Variants in GDNF observed in about 807,000 individuals in gnomAD.
The protein encoded by GDNF is glial cell derived neurotrophic factor, also known as glial cell line-derived neurotrophic factor.
GDNF carries 5 observed loss-of-function variants against 13.7 expected under a neutral mutation model. The ratio of observed to expected loss-of-function variants is 0.36; its 90% CI spans 0.19 to 0.77. GDNF has a LOEUF of 0.77. Ranked by LOEUF, GDNF falls within the 30% of genes least tolerant of loss-of-function variation. The probability of loss-of-function intolerance (pLI) is 0.51; values close to 1 mark genes in which losing one functional copy is unlikely to be tolerated. For missense variants in GDNF, 246 were observed against 274.3 expected (o/e 0.90, Z 0.73); for synonymous variants, 122 against 112.5 (o/e 1.08, Z -0.53).
chr5:37,835,977 G>A (rs1750688702), intron 1 of GDNF: 2 of 441,208 alleles, frequency 4.5e-6, no homozygotes, highest in Non-Finnish European at 4.1e-6. Context: ...TTAGAAAAAG[G>A]GGCTGTAAAT....
intron 1 of GDNF, chr5:37,835,589 C>G: frequency 2.0e-6 from 3 of 1,518,860 alleles, no homozygotes; most frequent in South Asian, 2.4e-5. Context: ...TCACGCATGA[C>G]AAGCTCTAGC....
intron 2 of GDNF, 71 bp from the exon 3 acceptor site, chr5:37,816,206 G>A: frequency 6.5e-7 from 1 of 1,542,262 alleles, no homozygotes; most frequent in Non-Finnish European, 8.9e-7. Flanking sequence ...CAAGATCAAA[G>A]TGCCCCCCTA....
At chr5:37,836,095 G>A (rs535660830) in intron 1 of GDNF, among the ~76,000 whole-genome samples, 12 of 152,272 alleles carry the variant, frequency 7.9e-5, no homozygotes, top group Middle Eastern at 3.4e-3. Flanking sequence ...CAGGGCACTA[G>A]TGACCTAGAG....
chr5:37,834,753 T>G lies in GDNF; in HGVS notation c.44A>C (p.His15Pro), dbSNP rs1033076311. 3 of 1,612,368 alleles carry G rather than the reference T, an allele frequency of 1.9e-6. No homozygotes were observed. Among genetic ancestry groups the G allele is most frequent in the Non-Finnish European group, 2.5e-6 (3 of 1,179,504 alleles). Reference sequence around the variant, plus strand: ...GGGCAGCGGGAAGGCGGACGCGGTGTGGAGCAGCACCAGGCAGACAGCCAC... The same window carrying G: ...GGGCAGCGGGAAGGCGGACGCGGTGGGGAGCAGCACCAGGCAGACAGCCAC... Reference protein sequence around the residue: ...DVVAVCLVLLHTASAFPLPAG... With the variant: ...DVVAVCLVLLPTASAFPLPAG... Residue 15 changes from histidine (H) to proline (P), a missense_variant, in exon 2 of 3, where the codon CAC becomes CCC. Physicochemically the swap from His to Pro is moderately conservative, Grantham distance 77 (BLOSUM62 -2). Transcript: ENST00000326524.
At chr5:37,833,020 G>A (rs902277396) in intron 2 of GDNF, among the ~76,000 whole-genome samples, 6 of 152,230 alleles carry the variant, frequency 3.9e-5, no homozygotes, top group Non-Finnish European at 1.5e-5. Context: ...GAGCTCTAAA[G>A]TAACTTGCCT....
At chr5:37,828,164 C>T (rs1203914070) in intron 2 of GDNF, among the ~76,000 whole-genome samples, 1 of 152,182 alleles carries the variant, frequency 6.6e-6, no homozygotes, top group Non-Finnish European at 1.5e-5. Context: ...ATGTGGATGC[C>T]ATCCCCTCGC....
chr5:37,834,586 C>G lies in GDNF; in HGVS notation c.151+60G>C, dbSNP rs1013495368. 11 of 1,271,022 alleles carry G rather than the reference C, an allele frequency of 8.7e-6. No individual in the cohort carries two copies. The African/African-American group carries it at 1.8e-4, about 21-fold the overall frequency. 78.7% of individuals were successfully genotyped at this position (1,271,022 alleles called of 1,614,324 possible). On this transcript the variant is annotated intron_variant, in intron 2 of 2. Transcript: ENST00000326524. ...CTTGGGGTACGTGCGGGGCTGGCTG[C>G]GGGTGGGGGTGCGAGGGGGTCCGCC...
At chr5:37,816,679 C>T (rs1036224144) in intron 2 of GDNF, among the ~76,000 whole-genome samples, 2 of 152,182 alleles carry the variant, frequency 1.3e-5, no homozygotes, top group African/African-American at 2.4e-5. Flanking sequence ...GATCCACGCA[C>T]TAAACTTTGA....
In GDNF at chr5:37,837,214, G is replaced by A. The variant is rs1429029302; in HGVS notation, c.-27+2293C>T. On this transcript the variant is annotated intron_variant, in intron 1 of 2. Transcript: ENST00000326524. This position sits in a 1 kb window ranked among gnomAD's most constrained non-coding sequence, Gnocchi z 6.5. ...CGGCTTCTCAGTTTGTCTCTCTATC[G>A]CTTTCCCAAAACACATCTACATCTG... Among the ~76,000 whole-genome samples, 1 of 152,172 alleles carries A rather than the reference G, an allele frequency of 6.6e-6. No individual in the cohort carries two copies. The highest frequency in any genetic ancestry group is 1.5e-5 in the Non-Finnish European group (1 of 68,030).
intron 2 of GDNF, among the ~76,000 whole-genome samples, chr5:37,833,765 A>G (rs1436760117): frequency 6.6e-6 from 1 of 152,124 alleles, no homozygotes; most frequent in African/African-American, 2.4e-5. Context: ...GAAATTTTCT[A>G]TTGCTATCTT....
chr5:37,837,603 G>C lies in GDNF; in HGVS notation c.-27+1904C>G, dbSNP rs537839091. ...CGTCTGAGCCGTGTCGCGCCCACGC[G>C]GCCCGGAGGCTGTGTTATCATTTTA... is the stretch of plus-strand genomic sequence containing the variant. On this transcript the variant is annotated intron_variant, in intron 1 of 2. Transcript: ENST00000326524. The surrounding 1 kb of genome is among the most constrained non-coding windows in gnomAD (Gnocchi z 6.5). Among the ~76,000 whole-genome samples the C allele has an allele frequency of 3.9e-5, 6 of 152,348 alleles. No homozygotes were observed. The East Asian group carries it at 1.2e-3, about 29-fold the overall frequency.
Position 37,839,402 on chromosome 5 carries a change from G to C in GDNF, c.-27+105C>G, listed in dbSNP as rs1750819048. 6.6e-6 allele frequency: 1 copy of C among 152,296 alleles called. No individual in the cohort carries two copies. Among genetic ancestry groups the C allele is most frequent in the Non-Finnish European group, 1.5e-5 (1 of 68,150 alleles). The allele number at this position is 152,296 out of a possible 1,614,324, so 9.4% of individuals were successfully genotyped here. A position where few individuals can be genotyped will look rare whatever the true frequency, so the allele number is the denominator to read the frequency against. On this transcript the variant is annotated intron_variant, in intron 1 of 2. Transcript: ENST00000326524. The surrounding 1 kb of genome is among the most constrained non-coding windows in gnomAD (Gnocchi z 5.5). ...CTTTCTACTCTCACCGTTTGCTCTG[G>C]GGTCCAGACGCACCCCTCTGACTAG...
chr5:37,820,518 CA>C (rs1220033477), intron 2 of GDNF, among the ~76,000 whole-genome samples: 21 of 152,136 alleles, frequency 1.4e-4, no homozygotes, highest in Non-Finnish European at 1.5e-4. Flanking sequence ...CACGTCATAG[CA>C]AATTTGTCCA....
At position 37,814,647 on chromosome 5, in the gene GDNF, AAG is replaced by A; in HGVS notation, c.*1002_*1003del. The A allele has an allele frequency of 6.6e-6, 1 of 152,352 alleles. No homozygotes were observed. Among genetic ancestry groups the A allele is most frequent in the South Asian group, 2.1e-4 (1 of 4,826 alleles). The allele number at this position is 152,352 out of a possible 1,614,324, so 9.4% of individuals were successfully genotyped here. A position where few individuals can be genotyped will look rare whatever the true frequency, so the allele number is the denominator to read the frequency against. On this transcript the variant is annotated 3_prime_UTR_variant, in exon 3 of 3. Transcript: ENST00000326524. ...AGAAACTTTAATAAATAAGGGAAAA[AAG>A]AGAAATTCATTAGTGAACGGTAATA...
rs534736602 is a variant in GDNF, at chr5:37,837,406, C to A, written c.-27+2101G>T. 3.9e-5 allele frequency among the ~76,000 whole-genome samples: 6 copies of A among 152,226 alleles called. No homozygotes were observed. Among genetic ancestry groups the A allele is most frequent in the African/African-American group, 1.4e-4 (6 of 41,550 alleles). The stretch of plus-strand genomic sequence containing the variant: ...TGGCAAGCTGGTCCCCTTCTGGGTC[C>A]GGGACCACCACGTCCCGGCAGGGCA... On this transcript the variant is annotated intron_variant, in intron 1 of 2. Coordinates refer to ENST00000326524, the MANE Select transcript of GDNF (RefSeq NM_000514.4). This position sits in a 1 kb window ranked among gnomAD's most constrained non-coding sequence, Gnocchi z 6.5.
chr5:37,838,659 C>T lies in GDNF; in HGVS notation c.-27+848G>A, dbSNP rs557563198. On this transcript the variant is annotated intron_variant, in intron 1 of 2. Coordinates refer to ENST00000326524, the MANE Select transcript of GDNF (RefSeq NM_000514.4). The surrounding 1 kb of genome is among the most constrained non-coding windows in gnomAD (Gnocchi z 4.1). ...GAACCCGCGAAAGTCCGTTTCCAGC[C>T]CGAAGAGGGTTCGTTTTTCTTCGTT... is the stretch of plus-strand genomic sequence containing the variant. 2.1e-4 allele frequency among the ~76,000 whole-genome samples: 32 copies of T among 152,318 alleles called. No individual in the cohort carries two copies. The highest frequency in any genetic ancestry group is 4.0e-4 in the Non-Finnish European group (27 of 68,026).
At chr5:37,823,905 G>C (rs189546411) in intron 2 of GDNF, 1 of 220,622 alleles carries the variant, frequency 4.5e-6, no homozygotes, top group South Asian at 1.6e-4. Flanking sequence ...ACCACCTCTG[G>C]CTGACGCCCC....
rs146007321 is a variant in GDNF at position 37,812,687 on chromosome 5, T to C, written c.*2964A>G. On this transcript the variant is annotated 3_prime_UTR_variant, in exon 3 of 3. Coordinates refer to ENST00000326524, the MANE Select transcript of GDNF (RefSeq NM_000514.4). Reference sequence around the variant, plus strand: ...ACAGAAGTACAGAGAGCAATAGAAATGAGTTTTTATTTGTAAAAAGTTACA... The same window carrying C: ...ACAGAAGTACAGAGAGCAATAGAAACGAGTTTTTATTTGTAAAAAGTTACA... The C allele has an allele frequency of 6.6e-6, 1 of 152,270 alleles. No homozygotes were observed. The highest frequency in any genetic ancestry group is 1.9e-4 in the East Asian group (1 of 5,190). The allele number at this position is 152,270 out of a possible 1,614,324, so 9.4% of individuals were successfully genotyped here. A position where few individuals can be genotyped will look rare whatever the true frequency, so the allele number is the denominator to read the frequency against.
intron 2 of GDNF, among the ~76,000 whole-genome samples, chr5:37,816,345 G>A (rs1354898534): frequency 6.6e-6 from 1 of 152,170 alleles, no homozygotes; most frequent in Non-Finnish European, 1.5e-5. Flanking sequence ...AGACTAATGT[G>A]GTGGTGACAT....
Sources: gnomAD v4.1 joint callset for allele counts (sites outside exome capture counted in the v4.1 genomes callset) on GRCh38, gnomAD v4.1.1 for gene constraint, Gnocchi (gnomAD v3.1) non-coding constraint, MANE v1.5 for transcripts, NCBI Gene and HGNC (gene_info 2026-07-23, HGNC 2026-07-21) for gene names.